The following LRFN2 variants were observed in gnomAD, a reference collection of about 807,000 sequenced individuals.
LRFN2 encodes the protein leucine-rich repeat and fibronectin type-III domain-containing protein 2.
LRFN2 carries 18 observed loss-of-function variants against 37.3 expected under a neutral mutation model. The observed-to-expected ratio is 0.48, with a 90% CI of 0.33 to 0.72. The LOEUF is 0.72. Ranked by LOEUF, LRFN2 falls within the 30% of genes least tolerant of loss-of-function variation. LRFN2 has a pLI of 0.02. For synonymous variants in LRFN2, 556 were observed against 466.6 expected (o/e 1.19, Z -2.47); for missense variants, 1,006 against 1,060.7 (o/e 0.95, Z 0.72).
intron 1 of LRFN2, among the ~76,000 whole-genome samples, chr6:40,463,670 A>ATTTTTTTTTTTTT (rs66745321): frequency 1.3e-5 from 1 of 76,526 alleles, no homozygotes; most frequent in Non-Finnish European, 2.4e-5. Context: ...CTTTCTTTCT[A>ATTTTTTTTTTTTT]TTTTTTTTTT....
chr6:40,406,105 G>T (rs1200745146), intron 2 of LRFN2, among the ~76,000 whole-genome samples: 1 of 152,148 alleles, frequency 6.6e-6, no homozygotes, highest in Non-Finnish European at 1.5e-5. Context: ...GCACCACCGG[G>T]GTTCAAGCCC....
At chr6:40,552,732 G>C (rs1766799718) in intron 1 of LRFN2, among the ~76,000 whole-genome samples, 1 of 151,952 alleles carries the variant, frequency 6.6e-6, no homozygotes, top group Non-Finnish European at 1.5e-5. Context: ...TTTTAGAAAA[G>C]GAAAGGAAGA....
intron 1 of LRFN2, among the ~76,000 whole-genome samples, chr6:40,545,122 C>T (rs548800629): frequency 1.4e-4 from 22 of 152,278 alleles, no homozygotes; most frequent in South Asian, 6.2e-4. Flanking sequence ...ATCATATGAG[C>T]GAATTCATGC....
At chr6:40,422,620 G>A (rs745550327) in intron 2 of LRFN2, among the ~76,000 whole-genome samples, 2 of 152,162 alleles carry the variant, frequency 1.3e-5, no homozygotes, top group East Asian at 1.9e-4. Flanking sequence ...CTGTGAATAC[G>A]CACACGCCTG....
chr6:40,416,013 T>C lies in LRFN2; in HGVS notation c.1400+15701A>G, dbSNP rs1431245589. ...AGGGCCTGCAGTGAGATGTCACTTT[T>C]GTTTGCTTGTTTTGAGATGGAGTCT... On this transcript the variant is annotated intron_variant, in intron 2 of 2. Coordinates refer to ENST00000338305, the MANE Select transcript of LRFN2 (RefSeq NM_020737.3). Among the ~76,000 whole-genome samples the C allele has an allele frequency of 2.0e-5, 3 of 152,214 alleles. No homozygotes were observed. The East Asian group carries it at 5.8e-4, about 29-fold the overall frequency.
chr6:40,539,015 T>G (rs1256411697), intron 1 of LRFN2, among the ~76,000 whole-genome samples: 1 of 152,192 alleles, frequency 6.6e-6, no homozygotes. Context: ...GTCTGGGCTG[T>G]GTCCAGGTTC....
At chr6:40,431,510 G>T (rs979777958) in intron 2 of LRFN2, among the ~76,000 whole-genome samples, 2 of 152,206 alleles carry the variant, frequency 1.3e-5, no homozygotes, top group African/African-American at 4.8e-5. Flanking sequence ...CAGGCTGCCC[G>T]TGTGGATTCT....
At chr6:40,553,417 G>T (rs6912874) in intron 1 of LRFN2, among the ~76,000 whole-genome samples, 72,139 of 152,092 alleles carry the variant, frequency 0.47, 18,141 homozygotes, top group African/African-American at 0.64. Context: ...AGGAAAGCTG[G>T]ATACTCTCTA....
intron 2 of LRFN2, among the ~76,000 whole-genome samples, chr6:40,394,268 G>C (rs981418986): frequency 6.6e-6 from 1 of 152,090 alleles, no homozygotes; most frequent in African/African-American, 2.4e-5. Context: ...GCCTTCTGCT[G>C]ATTCCAGAGA....
At chr6:40,430,856 GA>G (rs934548093) in intron 2 of LRFN2, among the ~76,000 whole-genome samples, 1 of 152,164 alleles carries the variant, frequency 6.6e-6, no homozygotes, top group Admixed American at 6.5e-5. Context: ...GCTCAATTGG[GA>G]AAGGGAAGCT....
intron 1 of LRFN2, among the ~76,000 whole-genome samples, chr6:40,517,037 C>T (rs1186791429): frequency 6.6e-6 from 1 of 152,088 alleles, no homozygotes. Context: ...GGCTTACTTT[C>T]CCATTCTAGA....
At chr6:40,442,506 A>G (rs1331320560) in intron 1 of LRFN2, among the ~76,000 whole-genome samples, 5 of 151,292 alleles carry the variant, frequency 3.3e-5, no homozygotes, top group Non-Finnish European at 7.4e-5. Flanking sequence ...GACAGGGCTG[A>G]GTCTCCCCTC....
chr6:40,564,639 C>T (rs2113790609), intron 1 of LRFN2, among the ~76,000 whole-genome samples: 1 of 152,304 alleles, frequency 6.6e-6, no homozygotes, highest in South Asian at 2.1e-4. Flanking sequence ...TCTCTTAATA[C>T]ACCCACTCTC....
intron 1 of LRFN2, among the ~76,000 whole-genome samples, chr6:40,454,388 G>T (rs1448370947): frequency 6.6e-6 from 1 of 152,162 alleles, no homozygotes; most frequent in Non-Finnish European, 1.5e-5. Context: ...TACCAAGACA[G>T]TTGTAGGTAA....
chr6:40,537,594 C>A (rs1033072850), intron 1 of LRFN2, among the ~76,000 whole-genome samples: 1 of 152,162 alleles, frequency 6.6e-6, no homozygotes, highest in African/African-American at 2.4e-5. Flanking sequence ...TTGTCTGATA[C>A]CTACCATCTT....
intron 1 of LRFN2, among the ~76,000 whole-genome samples, chr6:40,557,225 G>A (rs1016992361): frequency 6.6e-6 from 1 of 152,242 alleles, no homozygotes; most frequent in Non-Finnish European, 1.5e-5. Flanking sequence ...ACCTTTTGCG[G>A]ATTCCAAGGA....
Position 40,472,108 on chromosome 6 carries a change from G to T in LRFN2, c.-18-38977C>A, listed in dbSNP as rs980194358. Among the ~76,000 whole-genome samples, 8 of 152,266 alleles carry T rather than the reference G, an allele frequency of 5.3e-5. No individual in the cohort carries two copies. The East Asian group carries it at 1.4e-3, about 26-fold the overall frequency. The stretch of plus-strand genomic sequence containing the variant: ...ACATGCACGGAAATAAAGACAATCA[G>T]GTTGTACTTATAGGAAACTTGAATT... On this transcript the variant is annotated intron_variant, in intron 1 of 2. Transcript: ENST00000338305.
At chr6:40,575,671 C>A (rs1767264429) in intron 1 of LRFN2, among the ~76,000 whole-genome samples, 1 of 152,102 alleles carries the variant, frequency 6.6e-6, no homozygotes, top group South Asian at 2.1e-4. Flanking sequence ...GACAAGAATG[C>A]CTCTTGTAGT....
intron 1 of LRFN2, among the ~76,000 whole-genome samples, chr6:40,524,528 A>G (rs679821): frequency 0.68 from 103,306 of 151,854 alleles, 36,548 homozygotes; most frequent in African/African-American, 0.88. Context: ...CTGGGGTCCC[A>G]TTTTTGTACC....
Sources: gnomAD v4.1 joint callset for allele counts (sites outside exome capture counted in the v4.1 genomes callset) on GRCh38, gnomAD v4.1.1 for gene constraint, MANE v1.5 for transcripts, NCBI Gene and HGNC (gene_info 2026-07-23, HGNC 2026-07-21) for gene names.